PNKP: variants seen among roughly 807,000 people sequenced by gnomAD.
The protein encoded by PNKP is bifunctional polynucleotide phosphatase/kinase.
Under a neutral mutation model 66.2 loss-of-function variants are expected in PNKP, and 82 were observed. The observed-to-expected ratio is 1.24, with a 90% CI of 1.04 to 1.49. PNKP has a LOEUF of 1.49. Ranked by LOEUF, PNKP falls within the 40% of genes most tolerant of loss-of-function variation. The pLI is 0.00. For synonymous variants in PNKP, 412 were observed against 298.9 expected, an observed-to-expected ratio of 1.38 and a Z score of -3.90; for missense variants, 907 against 706.8, an observed-to-expected ratio of 1.28 and a Z score of -3.21.
rs3739188 is a variant in PNKP, at chr19:49,864,098, G to A, written c.637-27C>T. On this transcript the variant is annotated intron_variant, in intron 6 of 16. Coordinates refer to ENST00000322344, the MANE Select transcript of PNKP (RefSeq NM_007254.4). ...TGGGGAGCAAAGGGTGTCACCAGAC[G>A]CTCTGCTCACCAGGGCCTTGGTCTG... 9,467 of 1,609,880 alleles carry A rather than the reference G, an allele frequency of 5.9e-3. 509 individuals are homozygous for A. The Admixed American group carries it at 0.12, about 20-fold the overall frequency.
chr19:49,864,188 C>G lies in PNKP; in HGVS notation c.627G>C (p.Glu209Asp), dbSNP rs532550120. Residue 209 changes from glutamate (E) to aspartate (D), a missense_variant, in exon 6 of 17, where the codon GAG (glutamate) becomes GAC (aspartate). Glu to Asp is a conservative substitution (Grantham distance 45). Transcript: ENST00000322344. ...IPRKLRELEA[E>D]GYKLVIFTNQ... ...AGGCGGCTGCACATACCTTGTAGCC[C>G]TCGGCTTCCAGCTCTCGGAGCTTAC... 1 of 1,614,066 alleles carries G rather than the reference C, an allele frequency of 6.2e-7. No individual in the cohort carries two copies. The highest frequency in any genetic ancestry group is 1.3e-5 in the African/African-American group (1 of 74,930).
chr19:49,862,863 C>T lies in PNKP; in HGVS notation c.817-125G>A, dbSNP rs889881897. On this transcript the variant is annotated intron_variant, in intron 8 of 16. Coordinates refer to ENST00000322344, the MANE Select transcript of PNKP (RefSeq NM_007254.4). ...GAATCATCCCCCGACCTTTCATGTC[C>T]TCACTCTCCAGCCACTTTGCACCGT... The T allele has an allele frequency of 3.9e-6, 4 of 1,022,400 alleles. No individual in the cohort carries two copies. The African/African-American group carries it at 4.8e-5, about 12-fold the overall frequency. The allele number at this position is 1,022,400 out of a possible 1,614,324, so 63.3% of individuals were successfully genotyped here.
In PNKP at chr19:49,862,569, T is replaced by A; in HGVS notation, c.905A>T (p.Lys302Met). 6.2e-7 allele frequency: 1 copy of A among 1,612,952 alleles called. No individual in the cohort carries two copies. Among genetic ancestry groups the A allele is most frequent in the South Asian group, 1.1e-5 (1 of 90,998 alleles). ...GRPANWAPGR[K>M]KKDFSCADRL... Reference sequence around the variant, plus strand: ...ATCGGCGCAGGAGAAGTCTTTCTTCTTCCGCCCCGGGGCCCAGTTGGCCGG... The same window carrying A: ...ATCGGCGCAGGAGAAGTCTTTCTTCATCCGCCCCGGGGCCCAGTTGGCCGG... The change falls in exon 10 of 17, where the codon AAG becomes ATG. Residue 302 changes from lysine to methionine, a missense_variant. By Grantham distance (95) the Lys-to-Met change is moderately conservative (BLOSUM62 -1). Coordinates refer to ENST00000322344, the MANE Select transcript of PNKP (RefSeq NM_007254.4).
chr19:49,861,279 C>T lies in PNKP; in HGVS notation c.1535G>A (p.Gly512Glu). 2 of 1,613,584 alleles carry T rather than the reference C, an allele frequency of 1.2e-6. No individual in the cohort carries two copies. The highest frequency in any genetic ancestry group is 2.2e-5 in the South Asian group (2 of 91,066). Residue 512 changes from glycine to glutamate, a missense_variant, in exon 17 of 17, where the codon GGG (glycine) becomes GAG (glutamate). Physicochemically the swap from Gly to Glu is moderately conservative, Grantham distance 98. Coordinates refer to ENST00000322344, the MANE Select transcript of PNKP (RefSeq NM_007254.4). Reference sequence around the variant, plus strand: ...CTCGGAGAACTGGCAGTACAGCCGCCCCAGCCTCGGCTCCACCCATAGCCG... The same window carrying T: ...CTCGGAGAACTGGCAGTACAGCCGCTCCAGCCTCGGCTCCACCCATAGCCG... ...PFRLWVEPRL[G>E]RLYCQFSEG
At position 49,865,422 on chromosome 19, in the gene PNKP, C is replaced by T. The variant is rs796052864; in HGVS notation, c.203G>A (p.Gly68Glu). 1 of 1,602,558 alleles carries T rather than the reference C, an allele frequency of 6.2e-7. No homozygotes were observed. Among genetic ancestry groups the T allele is most frequent in the Non-Finnish European group, 8.5e-7 (1 of 1,174,236 alleles). ...GGTCCCGGTAGTTGAGGGGTTAACT[C>T]CCAGCTGCAGAAAGAGAGGGAGGAG... ...ETRTVAVKQL[G>E]VNPSTTGTQE... Residue 68 changes from glycine to glutamate, a missense_variant, in exon 4 of 17, where the codon GGA becomes GAA. Physicochemically the swap from Gly to Glu is moderately conservative, Grantham distance 98. Transcript: ENST00000322344.
At chr19:49,866,977 G>GT (rs2074824896) in intron 2 of PNKP, 77 bp downstream of exon 2, 1 of 1,438,098 alleles carries the variant, frequency 7.0e-7, no homozygotes, top group Non-Finnish European at 9.8e-7. Flanking sequence ...GCAATCCCGC[G>GT]TAGCAGCCAA....
At chr19:49,861,411 C>T in intron 16 of PNKP, 38 bp downstream of exon 16, 2 of 1,614,074 alleles carry the variant, frequency 1.2e-6, no homozygotes, top group Non-Finnish European at 1.7e-6. Flanking sequence ...TCATGTGGCC[C>T]AGCCAGTGCC....
rs371008170 is a variant in PNKP, at chr19:49,865,179, T to C, written c.446A>G (p.Asn149Ser). 2 of 1,614,098 alleles carry C rather than the reference T, an allele frequency of 1.2e-6. No homozygotes were observed. Among genetic ancestry groups the C allele is most frequent in the African/African-American group, 2.7e-5 (2 of 74,940 alleles). Reference protein sequence around the residue: ...RMRKSNPGWENLEKLLVFTAA... With the variant: ...RMRKSNPGWESLEKLLVFTAA... ...GGTGAACACTAGCAACTTCTCCAAG[T>C]TCTCCCAGCCGGGGTTTGACTTCCG... Residue 149 changes from asparagine to serine, a missense_variant, in exon 4 of 17, where the codon AAC (asparagine) becomes AGC (serine). Transcript: ENST00000322344.
At chr19:49,862,339 T>TCCCCAC (rs551307620) in intron 11 of PNKP, 32 bp downstream of exon 11, 21 of 954,112 alleles carry the variant, frequency 2.2e-5, no homozygotes, top group Middle Eastern at 3.5e-4. Flanking sequence ...AGCCCTCCCA[T>TCCCCAC]CCCCACCCCC....
In PNKP at chr19:49,861,445, G is replaced by C. The variant is rs1430861146; in HGVS notation, c.1448+4C>G. 1.9e-6 allele frequency: 3 copies of C among 1,613,984 alleles called. No homozygotes were observed. Among genetic ancestry groups the C allele is most frequent in the Non-Finnish European group, 1.7e-6 (2 of 1,179,924 alleles). On this transcript the variant is annotated splice_donor_region_variant and intron_variant, in intron 16 of 16. Transcript: ENST00000322344. ...CCCCTGCCCCCTGCTATCCCCAACA[G>C]TACCTGTAGCCATACATGACCATGT...
intron 1 of PNKP, 28 bp from the exon 2 acceptor site, chr19:49,867,245 G>T: frequency 1.3e-6 from 2 of 1,578,234 alleles, no homozygotes; most frequent in Non-Finnish European, 1.7e-6. Context: ...GGGCTTGAGC[G>T]GCGCACAGCC....
intron 8 of PNKP, among the ~76,000 whole-genome samples, chr19:49,863,341 C>G (rs79069314): frequency 4.6e-5 from 7 of 152,344 alleles, no homozygotes; most frequent in Middle Eastern, 3.4e-3. Flanking sequence ...CTGTTTTACA[C>G]GCCAGTCTGC....
Position 49,862,351 on chromosome 19 carries a change from C to T in PNKP, c.1029+20G>A. On this transcript the variant is annotated intron_variant, in intron 11 of 16. Coordinates refer to ENST00000322344, the MANE Select transcript of PNKP (RefSeq NM_007254.4). ...GGGAGCCCTCCCATCCCCACCCCCA[C>T]CCCCGCCCCAGGGCCTCACCGGATC... is the stretch of plus-strand genomic sequence containing the variant. 3.3e-6 allele frequency: 5 copies of T among 1,501,080 alleles called. No individual in the cohort carries two copies. Among genetic ancestry groups the T allele is most frequent in the Middle Eastern group, 2.3e-4 (1 of 4,314 alleles). 93.0% of individuals were successfully genotyped at this position (1,501,080 alleles called of 1,614,324 possible).
chr19:49,866,155 A>T, intron 3 of PNKP: 1 of 539,376 alleles, frequency 1.9e-6, no homozygotes, highest in Non-Finnish European at 3.4e-6. Context: ...AACTACAAGG[A>T]CGCGCCACCA....
In PNKP at chr19:49,861,677, T is replaced by C; in HGVS notation, c.1317A>G (p.Arg439=). The C allele has an allele frequency of 6.5e-7, 1 of 1,547,284 alleles. No homozygotes were observed. The highest frequency in any genetic ancestry group is 1.4e-5 in the African/African-American group (1 of 73,014). The stretch of plus-strand genomic sequence containing the variant: ...AGCAGCGGCAGGGGACGCCCGCGGC[T>C]CGGGCACACTGGACGTACCTGTGGG... ...ASRARYVQCA[R]AAGVPCRCFL... The change falls in exon 15 of 17, where the codon CGA becomes CGG. Residue 439 remains arginine (R), a synonymous_variant. Coordinates refer to ENST00000322344, the MANE Select transcript of PNKP (RefSeq NM_007254.4).
chr19:49,862,668 T>A lies in PNKP; in HGVS notation c.865+22A>T, dbSNP rs201430624. 75 of 1,613,950 alleles carry A rather than the reference T, an allele frequency of 4.6e-5. No individual in the cohort carries two copies. The Middle Eastern group carries it at 9.9e-4, about 21-fold the overall frequency. Reference sequence around the variant, plus strand: ...CGGAGGGAGGCGTCCCAGCCCACCCTCAGCAGCCTCCAGGCCCTTACCTCC... The same window carrying A: ...CGGAGGGAGGCGTCCCAGCCCACCCACAGCAGCCTCCAGGCCCTTACCTCC... On this transcript the variant is annotated intron_variant, in intron 9 of 16. Transcript: ENST00000322344.
chr19:49,861,842 C>T lies in PNKP; in HGVS notation c.1228G>A (p.Glu410Lys). 6.3e-7 allele frequency: 1 copy of T among 1,593,142 alleles called. No individual in the cohort carries two copies. Among genetic ancestry groups the T allele is most frequent in the African/African-American group, 1.3e-5 (1 of 74,532 alleles). The change falls in exon 14 of 17, where the codon GAG becomes AAG. Residue 410 changes from glutamate to lysine, a missense_variant. Physicochemically the swap from Glu to Lys is moderately conservative, Grantham distance 56. Coordinates refer to ENST00000322344, the MANE Select transcript of PNKP (RefSeq NM_007254.4). ...CGTTTCCCTTGCTTCAGGGCTGTCT[C>T]ACACGTGGTCACACAGCGCTGCCAG... ...GSWQRCVTTC[E>K]TALKQGKRVA...
Position 49,861,590 on chromosome 19 carries a change from C to G in PNKP, c.1386+18G>C. 2.6e-6 allele frequency: 4 copies of G among 1,558,762 alleles called. No homozygotes were observed. Among genetic ancestry groups the G allele is most frequent in the Non-Finnish European group, 3.5e-6 (4 of 1,152,590 alleles). Reference sequence around the variant, plus strand: ...CAGGGGGTGCAGCCCGGGGGGTGTCCGGGCTGAGCGGGCTCACCCGGTTGT... The same window carrying G: ...CAGGGGGTGCAGCCCGGGGGGTGTCGGGGCTGAGCGGGCTCACCCGGTTGT... On this transcript the variant is annotated intron_variant, in intron 15 of 16. Coordinates refer to ENST00000322344, the MANE Select transcript of PNKP (RefSeq NM_007254.4).
chr19:49,865,062 C>T (rs1025091076), intron 4 of PNKP, 65 bp downstream of exon 4: 21 of 1,414,676 alleles, frequency 1.5e-5, no homozygotes, highest in Admixed American at 8.6e-5. Flanking sequence ...GTTGAGAGCA[C>T]GCAACAAACG....
Sources: allele counts gnomAD v4.1 joint callset (sites outside exome capture counted in the v4.1 genomes callset), GRCh38; gene constraint gnomAD v4.1.1; transcripts MANE v1.5; gene names NCBI Gene and HGNC (gene_info 2026-07-23, HGNC 2026-07-21).